GPR149: variants seen among roughly 807,000 people sequenced by gnomAD.
GPR149 encodes the protein probable G protein-coupled receptor 149.
A neutral mutation model predicts 50.2 loss-of-function variants in GPR149; 50 were observed. The ratio of observed to expected loss-of-function variants is 1.00; its 90% CI spans 0.79 to 1.26. The LOEUF is 1.26. GPR149 is among the 50% of genes most tolerant of loss of function. GPR149 has a pLI of 0.00. For missense variants in GPR149, 983 were observed against 895.4 expected, an observed-to-expected ratio of 1.10 and a Z score of -1.25; for synonymous variants, 405 against 358.2, an observed-to-expected ratio of 1.13 and a Z score of -1.48.
At chr3:154,388,311 T>TAC (rs377577199) in intron 3 of GPR149, among the ~76,000 whole-genome samples, 94 of 151,200 alleles carry the variant, frequency 6.2e-4, no homozygotes, top group African/African-American at 1.4e-3. Context: ...CACATATATA[T>TAC]ACACACACAC....
At chr3:154,376,279 C>T (rs1408889480) in intron 3 of GPR149, among the ~76,000 whole-genome samples, 1 of 152,166 alleles carries the variant, frequency 6.6e-6, no homozygotes, top group Non-Finnish European at 1.5e-5. Flanking sequence ...GTACTCATCT[C>T]ATTGTTTGTA....
chr3:154,373,380 C>T (rs188117998), intron 3 of GPR149, among the ~76,000 whole-genome samples: 1 of 152,302 alleles, frequency 6.6e-6, no homozygotes, highest in East Asian at 1.9e-4. Flanking sequence ...GATGAACATA[C>T]ACATTCTTTA....
chr3:154,411,640 T>C (rs766781411), intron 3 of GPR149, among the ~76,000 whole-genome samples: 2 of 152,026 alleles, frequency 1.3e-5, no homozygotes, highest in Admixed American at 6.6e-5. Flanking sequence ...CCCTTCTAGA[T>C]TAAACCAGGA....
chr3:154,420,808 G>A (rs1178451696), intron 3 of GPR149, among the ~76,000 whole-genome samples: 1 of 151,880 alleles, frequency 6.6e-6, no homozygotes, highest in Non-Finnish European at 1.5e-5. Flanking sequence ...TTCTTAAAGA[G>A]CCTGTTTAAC....
At chr3:154,362,776 T>C (rs1446763340) in intron 3 of GPR149, among the ~76,000 whole-genome samples, 1 of 152,182 alleles carries the variant, frequency 6.6e-6, no homozygotes, top group Non-Finnish European at 1.5e-5. Context: ...CATTTTTGTA[T>C]CTAATTTTGT....
chr3:154,405,766 A>G (rs1468193939), intron 3 of GPR149, among the ~76,000 whole-genome samples: 1 of 151,918 alleles, frequency 6.6e-6, no homozygotes, highest in Non-Finnish European at 1.5e-5. Context: ...TCTTACATCT[A>G]CCACAAAAAT....
At chr3:154,353,516 A>G in intron 3 of GPR149, 3 of 898,718 alleles carry the variant, frequency 3.3e-6, no homozygotes, top group Non-Finnish European at 5.7e-6. Flanking sequence ...CACTCTGCAG[A>G]TGATCTTTGA....
chr3:154,374,904 G>A (rs780421453), intron 3 of GPR149, among the ~76,000 whole-genome samples: 9 of 152,102 alleles, frequency 5.9e-5, no homozygotes, highest in South Asian at 2.1e-4. Context: ...CAGTTACTTA[G>A]CCTTGTTTCC....
intron 3 of GPR149, among the ~76,000 whole-genome samples, chr3:154,417,641 T>C: frequency 6.6e-6 from 1 of 152,086 alleles, no homozygotes; most frequent in East Asian, 1.9e-4. Flanking sequence ...AAAGAAGTAG[T>C]GTTTTTATAG....
chr3:154,363,927 T>C (rs1309994353), intron 3 of GPR149, among the ~76,000 whole-genome samples: 2 of 152,214 alleles, frequency 1.3e-5, no homozygotes, highest in Non-Finnish European at 2.9e-5. Context: ...TCTCCAGTGT[T>C]CATGTACCTT....
At chr3:154,350,829 C>T (rs1400902323) in intron 3 of GPR149, among the ~76,000 whole-genome samples, 1 of 152,084 alleles carries the variant, frequency 6.6e-6, no homozygotes, top group Non-Finnish European at 1.5e-5. Flanking sequence ...GCTTAAGTCC[C>T]TTATATAAAA....
Position 154,429,791 on chromosome 3 carries a change from A to C in GPR149, c.-176T>G, listed in dbSNP as rs572062503. On this transcript the variant is annotated 5_prime_UTR_variant, in exon 1 of 4. The change creates a premature stop within an existing upstream ORF in the 5' untranslated region. Coordinates refer to ENST00000389740, the MANE Select transcript of GPR149 (RefSeq NM_001038705.3). ...GTCTCCTTTAGATCTGACTCAAGCT[A>C]TATTTAAAAATTAGGTTCCATTTCA... 3 of 467,296 alleles carry C rather than the reference A, an allele frequency of 6.4e-6. No homozygotes were observed. The South Asian group carries it at 1.4e-4, about 22-fold the overall frequency. 28.9% of individuals were successfully genotyped at this position (467,296 alleles called of 1,614,324 possible). A position where few individuals can be genotyped will look rare whatever the true frequency, so the allele number is the denominator to read the frequency against.
chr3:154,407,591 CTT>C (rs35778371), intron 3 of GPR149, among the ~76,000 whole-genome samples: 3,509 of 151,696 alleles, frequency 0.023, 60 homozygotes, highest in Middle Eastern at 0.045. Context: ...TCAGTATAAA[CTT>C]GTTTTAAAAT....
At position 154,427,657 on chromosome 3, in the gene GPR149, T is replaced by C. The variant is rs539383644; in HGVS notation, c.1033A>G (p.Thr345Ala). 1 of 1,614,164 alleles carries C rather than the reference T, an allele frequency of 6.2e-7. No homozygotes were observed. Among genetic ancestry groups the C allele is most frequent in the African/African-American group, 1.3e-5 (1 of 75,046 alleles). The change falls in exon 2 of 4, where the codon ACA becomes GCA. Residue 345 changes from threonine to alanine, a missense_variant. Coordinates refer to ENST00000389740, the MANE Select transcript of GPR149 (RefSeq NM_001038705.3). The part of the protein sequence containing the change: ...VVGFQSLPLE[T>A]FSFLLTLLAT... Reference sequence around the variant, plus strand: ...AGCAGGGTAAGTAGAAAGCTGAATGTCTCCAAGGGAAGGCTCTGAAACCCC... The same window carrying C: ...AGCAGGGTAAGTAGAAAGCTGAATGCCTCCAAGGGAAGGCTCTGAAACCCC...
chr3:154,360,938 A>G (rs934875852), intron 3 of GPR149, among the ~76,000 whole-genome samples: 1 of 152,230 alleles, frequency 6.6e-6, no homozygotes, highest in African/African-American at 2.4e-5. Flanking sequence ...AAGAAAATAC[A>G]AAGTAAAATT....
At chr3:154,427,455 C>G (rs1712334241) in intron 2 of GPR149, 61 bp downstream of exon 2, 1 of 1,468,764 alleles carries the variant, frequency 6.8e-7, no homozygotes. Context: ...GTTAATAGAC[C>G]ACTTTTCTGA....
rs754331227 is a variant in GPR149, at chr3:154,427,617, G to C, written c.1073C>G (p.Thr358Ser). 6.2e-6 allele frequency: 10 copies of C among 1,614,212 alleles called. No individual in the cohort carries two copies. In the South Asian group the frequency reaches 1.1e-4, roughly 18 times the overall value. The change falls in exon 2 of 4, where the codon ACC becomes AGC. Residue 358 changes from threonine to serine, a missense_variant. Physicochemically the swap from Thr to Ser is moderately conservative, Grantham distance 58. Coordinates refer to ENST00000389740, the MANE Select transcript of GPR149 (RefSeq NM_001038705.3). ...FLLTLLATTV[T>S]PVFVLSKRWT... is the part of the protein sequence containing the mutation. The stretch of plus-strand genomic sequence containing the variant: ...GCGTTTGGACAAGACAAACACTGGG[G>C]TTACAGTGGTGGCCAGCAGGGTAAG...
rs373212063 is a variant in GPR149, at chr3:154,341,292, C to CATATATATATATAT, written c.1624-3035_1624-3022dup. On this transcript the variant is annotated intron_variant, in intron 3 of 3. Coordinates refer to ENST00000389740, the MANE Select transcript of GPR149 (RefSeq NM_001038705.3). ...GCAAAAAATCAAGAAAAAAATAAGA[C>CATATATATATATAT]ATATATATATATATATATATATATA... Among the ~76,000 whole-genome samples, 23 of 72,934 alleles carry CATATATATATATAT rather than the reference C, an allele frequency of 3.2e-4. 1 individual carries two copies. Among genetic ancestry groups the CATATATATATATAT allele is most frequent in the Non-Finnish European group, 4.0e-4 (16 of 39,746 alleles). The allele number at this position is 72,934 out of a possible 152,430, so 47.8% of individuals were successfully genotyped here. A position where few individuals can be genotyped will look rare whatever the true frequency, so the allele number is the denominator to read the frequency against.
At chr3:154,353,695 C>A (rs1369212871) in intron 3 of GPR149, 1 of 1,262,190 alleles carries the variant, frequency 7.9e-7, no homozygotes, top group Non-Finnish European at 1.1e-6. Flanking sequence ...AAAACAAGTA[C>A]CTTTGTTGAG....
Sources: gnomAD v4.1 joint callset for allele counts (sites outside exome capture counted in the v4.1 genomes callset) on GRCh38, gnomAD v4.1.1 for gene constraint, MANE v1.5 for transcripts, NCBI Gene and HGNC (gene_info 2026-07-23, HGNC 2026-07-21) for gene names.